Variants in CDK7 observed in about 807,000 individuals in gnomAD.
CDK7 encodes the protein cyclin dependent kinase 7.
CDK7 carries 25 observed loss-of-function variants against 49.1 expected under a neutral mutation model. That is an observed-to-expected ratio of 0.51 (90% CI 0.37 to 0.71). The LOEUF is 0.71. Ranked by LOEUF, CDK7 falls within the 30% of genes least tolerant of loss-of-function variation. The pLI is 0.00. For synonymous variants in CDK7, 107 were observed against 140.0 expected, an observed-to-expected ratio of 0.76 and a Z score of 1.67; for missense variants, 316 against 411.7, an observed-to-expected ratio of 0.77 and a Z score of 2.01.
intron 2 of CDK7, among the ~76,000 whole-genome samples, chr5:69,250,088 C>T (rs543044806): frequency 2.0e-5 from 3 of 152,282 alleles, no homozygotes; most frequent in South Asian, 4.1e-4. Context: ...TAATTTAGTT[C>T]ATTTGGTGAG....
At chr5:69,249,604 T>C (rs1474912057) in intron 2 of CDK7, among the ~76,000 whole-genome samples, 3 of 152,034 alleles carry the variant, frequency 2.0e-5, no homozygotes, top group Non-Finnish European at 4.4e-5. Context: ...TCCCAGCACT[T>C]TGGGAGGCCA....
At position 69,254,521 on chromosome 5, in the gene CDK7, C is replaced by CAAAA. The variant is rs35239844; in HGVS notation, c.161-66_161-63dup. The CAAAA allele has an allele frequency of 7.5e-4, 361 of 478,156 alleles. 1 individual carries two copies. The highest frequency in any genetic ancestry group is 1.8e-3 in the Middle Eastern group (3 of 1,666). The allele number at this position is 478,156 out of a possible 1,614,324, so 29.6% of individuals were successfully genotyped here. On this transcript the variant is annotated intron_variant, in intron 3 of 11. Coordinates refer to ENST00000256443, the MANE Select transcript of CDK7 (RefSeq NM_001799.4). ...TGGGCGACAGAGCGAGACTCCATCT[C>CAAAA]AAAAAAAAAAAAAAAAAAGAAGTGT... is the stretch of plus-strand genomic sequence containing the variant.
At chr5:69,270,685 T>C (rs1448884727) in intron 9 of CDK7, among the ~76,000 whole-genome samples, 2 of 152,236 alleles carry the variant, frequency 1.3e-5, no homozygotes, top group Non-Finnish European at 2.9e-5. Context: ...ATTTTGTCAT[T>C]TCAAGAATGT....
intron 7 of CDK7, among the ~76,000 whole-genome samples, chr5:69,261,128 T>C (rs1750782352): frequency 6.6e-6 from 1 of 152,114 alleles, no homozygotes; most frequent in Non-Finnish European, 1.5e-5. Context: ...CCAAAGTCTC[T>C]ATTTTAAATT....
At chr5:69,266,536 G>A (rs912410580) in intron 8 of CDK7, among the ~76,000 whole-genome samples, 6 of 152,114 alleles carry the variant, frequency 3.9e-5, no homozygotes, top group African/African-American at 1.2e-4. Context: ...GTAAACCAAC[G>A]GGAAGACATG....
At chr5:69,252,334 T>C (rs1750196653) in intron 2 of CDK7, 84 bp from the exon 3 acceptor site, 1 of 827,036 alleles carries the variant, frequency 1.2e-6, no homozygotes. Context: ...TGGCGAAGTA[T>C]TTGAAGTATT....
At chr5:69,251,138 C>A (rs1354579358) in intron 2 of CDK7, among the ~76,000 whole-genome samples, 1 of 150,838 alleles carries the variant, frequency 6.6e-6, no homozygotes, top group Non-Finnish European at 1.5e-5. Context: ...CGCTCTGTCA[C>A]CCAGGCTGGA....
At chr5:69,256,544 T>G (rs1024870430) in intron 5 of CDK7, among the ~76,000 whole-genome samples, 10 of 150,954 alleles carry the variant, frequency 6.6e-5, no homozygotes, top group African/African-American at 2.5e-4. Context: ...TTTCACTATG[T>G]TGGACGGGAT....
At chr5:69,260,487 C>T (rs1750747563) in intron 7 of CDK7, among the ~76,000 whole-genome samples, 1 of 152,058 alleles carries the variant, frequency 6.6e-6, no homozygotes, top group Non-Finnish European at 1.5e-5. Flanking sequence ...TAAATGGGAA[C>T]AATTTATACT....
intron 9 of CDK7, among the ~76,000 whole-genome samples, chr5:69,269,543 A>G (rs1316534513): frequency 1.3e-5 from 2 of 152,114 alleles, no homozygotes; most frequent in Non-Finnish European, 2.9e-5. Flanking sequence ...ACTATTAACA[A>G]TTCATTGTAA....
intron 2 of CDK7, among the ~76,000 whole-genome samples, chr5:69,238,313 T>C (rs1400488679): frequency 6.7e-6 from 1 of 150,210 alleles, no homozygotes; most frequent in Non-Finnish European, 1.5e-5. Context: ...GACAGCAACT[T>C]GCTGTGTGTT....
chr5:69,243,836 T>TG (rs57823098), intron 2 of CDK7, among the ~76,000 whole-genome samples: 4,989 of 136,634 alleles, frequency 0.037, 369 homozygotes, highest in African/African-American at 0.13. Flanking sequence ...GTTTTTTTTT[T>TG]TTTTTTTTTT....
intron 2 of CDK7, among the ~76,000 whole-genome samples, chr5:69,237,430 T>C (rs796404024): frequency 3.3e-4 from 51 of 152,322 alleles, no homozygotes; most frequent in African/African-American, 1.1e-3. Context: ...GCATGGCTGA[T>C]TCCTTATCAT....
intron 3 of CDK7, among the ~76,000 whole-genome samples, chr5:69,253,863 G>A (rs1056154527): frequency 5.3e-5 from 8 of 151,562 alleles, no homozygotes; most frequent in African/African-American, 1.9e-4. Flanking sequence ...CTTTGGGAGG[G>A]TGAGGTGGGT....
intron 2 of CDK7, among the ~76,000 whole-genome samples, chr5:69,236,023 T>C (rs930593548): frequency 6.6e-6 from 1 of 152,116 alleles, no homozygotes; most frequent in East Asian, 1.9e-4. Flanking sequence ...GGCGGATCAC[T>C]TGGGGTCAAG....
intron 8 of CDK7, among the ~76,000 whole-genome samples, chr5:69,263,961 T>C (rs1045344643): frequency 5.3e-5 from 8 of 152,246 alleles, no homozygotes; most frequent in Non-Finnish European, 8.8e-5. Context: ...GACTAAAGAA[T>C]TGTACTCTTC....
intron 2 of CDK7, among the ~76,000 whole-genome samples, chr5:69,235,736 A>G (rs1006239921): frequency 6.6e-6 from 1 of 152,218 alleles, no homozygotes; most frequent in Non-Finnish European, 1.5e-5. Context: ...CCTCAGAACT[A>G]TTGGATACCA....
intron 3 of CDK7, among the ~76,000 whole-genome samples, chr5:69,253,338 C>T (rs1294337985): frequency 1.3e-5 from 2 of 152,082 alleles, no homozygotes; most frequent in Non-Finnish European, 2.9e-5. Flanking sequence ...AATCTCGGCT[C>T]ACTGCAACCT....
At chr5:69,267,354 G>A (rs1235078019) in intron 8 of CDK7, among the ~76,000 whole-genome samples, 6 of 142,022 alleles carry the variant, frequency 4.2e-5, no homozygotes, top group South Asian at 2.2e-4. Flanking sequence ...GCTGGAGTGC[G>A]GTGGCGTGAT....
Sources: allele counts gnomAD v4.1 joint callset (sites outside exome capture counted in the v4.1 genomes callset), GRCh38; gene constraint gnomAD v4.1.1; transcripts MANE v1.5; gene names NCBI Gene and HGNC (gene_info 2026-07-23, HGNC 2026-07-21).